LGSN: variants seen among roughly 807,000 people sequenced by gnomAD.
LGSN encodes lengsin.
In LGSN, 21 loss-of-function variants were observed where a neutral mutation model predicts 19.5. The observed-to-expected ratio is 1.07, with a 90% CI of 0.76 to 1.55. The LOEUF is 1.55. Among genes scored for constraint, LGSN ranks in the 40% most tolerant of loss-of-function variants. The pLI, the probability that LGSN is intolerant of heterozygous loss-of-function variation, is 0.00. For synonymous variants in LGSN, 257 were observed against 215.6 expected, an observed-to-expected ratio of 1.19 and a Z score of -1.68; for missense variants, 673 against 608.5, an observed-to-expected ratio of 1.11 and a Z score of -1.12.
At chr6:63,303,623 T>G (rs1308143863) in intron 1 of LGSN, among the ~76,000 whole-genome samples, 1 of 152,222 alleles carries the variant, frequency 6.6e-6, no homozygotes, top group Admixed American at 6.5e-5. Context: ...TAAATTCTTA[T>G]ATGACTAAAT....
the LGSN span, among the ~76,000 whole-genome samples, chr6:63,484,446 C>T: frequency 6.6e-6 from 1 of 152,104 alleles, no homozygotes; most frequent in African/African-American, 2.4e-5. Context: ...ATCACTTGAA[C>T]CCAGGAGGTG....
the LGSN span, among the ~76,000 whole-genome samples, chr6:63,472,763 A>G: frequency 6.6e-6 from 1 of 151,960 alleles, no homozygotes; most frequent in Admixed American, 6.6e-5. Context: ...ACGCAGTGAA[A>G]CCCTGTCTCT....
chr6:63,495,484 A>T, the LGSN span, among the ~76,000 whole-genome samples: 1 of 31,482 alleles, frequency 3.2e-5, no homozygotes. Context: ...TTTGAGATGG[A>T]GTCTCAGTCT....
At chr6:63,558,736 T>C in the LGSN span, among the ~76,000 whole-genome samples, 1 of 152,168 alleles carries the variant, frequency 6.6e-6, no homozygotes, top group African/African-American at 2.4e-5. Flanking sequence ...AATTGTAAAG[T>C]GTATAAGAAT....
the LGSN span, among the ~76,000 whole-genome samples, chr6:63,352,569 G>A: frequency 6.6e-6 from 1 of 151,932 alleles, no homozygotes; most frequent in Non-Finnish European, 1.5e-5. Context: ...GCTGAGGCGG[G>A]AAGATTGCTT....
the LGSN span, among the ~76,000 whole-genome samples, chr6:63,462,498 A>G: frequency 2.6e-5 from 4 of 152,182 alleles, no homozygotes; most frequent in Non-Finnish European, 5.9e-5. Context: ...TCAGTTGGAC[A>G]TGGTGATGCA....
At chr6:63,387,958 C>G in the LGSN span, among the ~76,000 whole-genome samples, 14 of 152,224 alleles carry the variant, frequency 9.2e-5, 2 homozygotes, top group Admixed American at 8.5e-4. Flanking sequence ...CTCCGCCTCC[C>G]AGGCTCAAGT....
At chr6:63,448,148 C>A in the LGSN span, among the ~76,000 whole-genome samples, 2 of 152,116 alleles carry the variant, frequency 1.3e-5, no homozygotes, top group African/African-American at 4.8e-5. Context: ...AAGTACTTGG[C>A]AAACCTTCTG....
the LGSN span, among the ~76,000 whole-genome samples, chr6:63,463,626 G>A: frequency 6.6e-6 from 1 of 152,186 alleles, no homozygotes; most frequent in African/African-American, 2.4e-5. Context: ...TAAGAACTCT[G>A]GCATATTTAT....
the LGSN span, among the ~76,000 whole-genome samples, chr6:63,492,619 C>T: frequency 1.3e-5 from 2 of 152,176 alleles, no homozygotes; most frequent in African/African-American, 4.8e-5. Flanking sequence ...GCACACGGCC[C>T]TGCTGAGGTA....
chr6:63,500,750 C>A, the LGSN span, among the ~76,000 whole-genome samples: 1 of 147,240 alleles, frequency 6.8e-6, no homozygotes, highest in Non-Finnish European at 1.5e-5. Flanking sequence ...TTTTTTGAGA[C>A]AGAGTCTCAC....
At chr6:63,549,628 T>C in the LGSN span, 1 of 477,990 alleles carries the variant, frequency 2.1e-6, no homozygotes. Context: ...TAATTATCCA[T>C]ACAAAAATGG....
the LGSN span, among the ~76,000 whole-genome samples, chr6:63,498,618 G>A: frequency 1.3e-5 from 2 of 152,072 alleles, no homozygotes; most frequent in Non-Finnish European, 2.9e-5. Context: ...CCCAAAACTT[G>A]TCATGTTATC....
chr6:63,285,865 TCATCA>T, intron 2 of LGSN, 112 bp from the exon 3 acceptor site: 1 of 772,520 alleles, frequency 1.3e-6, no homozygotes, highest in Non-Finnish European at 2.1e-6. Flanking sequence ...CATTATATAT[TCATCA>T]TGTCACTGGC....
chr6:63,348,799 C>CG, the LGSN span, among the ~76,000 whole-genome samples: 2 of 149,322 alleles, frequency 1.3e-5, no homozygotes, highest in East Asian at 3.9e-4. Flanking sequence ...CTGTGTTGCC[C>CG]GGGCTGGTCT....
At chr6:63,522,085 T>G in the LGSN span, among the ~76,000 whole-genome samples, 2 of 152,240 alleles carry the variant, frequency 1.3e-5, no homozygotes, top group Non-Finnish European at 1.5e-5. Context: ...TTGGATTACA[T>G]TGGTAGAACC....
In LGSN at chr6:63,276,212, A is replaced by G. The variant is rs1280798886; in HGVS notation, c.*3809T>C. 1 of 152,188 alleles carries G rather than the reference A, an allele frequency of 6.6e-6. No individual in the cohort carries two copies. Among genetic ancestry groups the G allele is most frequent in the Admixed American group, 6.5e-5 (1 of 15,278 alleles). 9.4% of individuals were successfully genotyped at this position (152,188 alleles called of 1,614,324 possible). A position where few individuals can be genotyped will look rare whatever the true frequency, so the allele number is the denominator to read the frequency against. On this transcript the variant is annotated 3_prime_UTR_variant, in exon 4 of 4. Transcript: ENST00000370657. ...CAGGTGACTGGAGATATGTCAATAGACTGTTCTGTTTTACTGATAAGCTCA... is the reference window on the plus strand; with the variant it reads ...CAGGTGACTGGAGATATGTCAATAGGCTGTTCTGTTTTACTGATAAGCTCA...
intron 1 of LGSN, among the ~76,000 whole-genome samples, chr6:63,299,656 T>C (rs951776312): frequency 1.3e-5 from 2 of 152,194 alleles, no homozygotes; most frequent in Admixed American, 1.3e-4. Flanking sequence ...AAAATTTTTC[T>C]GAAAATTTTA....
the LGSN span, among the ~76,000 whole-genome samples, chr6:63,536,365 G>C: frequency 6.6e-6 from 1 of 152,044 alleles, no homozygotes; most frequent in Non-Finnish European, 1.5e-5. Context: ...AAAATCAATA[G>C]CTATATTTAA....
Sources: gnomAD v4.1 joint callset for allele counts (sites outside exome capture counted in the v4.1 genomes callset) on GRCh38, gnomAD v4.1.1 for gene constraint, MANE v1.5 for transcripts, NCBI Gene and HGNC (gene_info 2026-07-23, HGNC 2026-07-21) for gene names.